Variants in LSG1 observed in about 807,000 individuals in gnomAD.
LSG1 encodes the protein large 60S subunit nuclear export GTPase 1, also known as large subunit GTPase 1 homolog.
LSG1 carries 55 observed loss-of-function variants against 82.6 expected under a neutral mutation model. The ratio of observed to expected loss-of-function variants is 0.67; its 90% CI spans 0.54 to 0.83. The LOEUF is 0.83. LSG1 is among the 40% of genes least tolerant of loss of function. The probability of loss-of-function intolerance (pLI) is 0.00; values close to 1 mark genes in which losing one functional copy is unlikely to be tolerated. For synonymous variants in LSG1, 272 were observed against 282.5 expected, an observed-to-expected ratio of 0.96 and a Z score of 0.37; for missense variants, 809 against 807.9, an observed-to-expected ratio of 1.00 and a Z score of -0.02.
chr3:194,670,373 T>C (rs1719119938), intron 1 of LSG1, among the ~76,000 whole-genome samples: 1 of 152,218 alleles, frequency 6.6e-6, no homozygotes, highest in African/African-American at 2.4e-5. Flanking sequence ...TGTATTTCCA[T>C]TTTACTGATG....
At chr3:194,645,406 C>T (rs577650389) in intron 12 of LSG1, 21 of 152,208 alleles carry the variant, frequency 1.4e-4, no homozygotes, top group African/African-American at 5.1e-4. Flanking sequence ...TGGTTATTAA[C>T]AGGGCCCTGT....
chr3:194,645,141 T>G (rs1395136120), intron 12 of LSG1: 1 of 155,618 alleles, frequency 6.4e-6, no homozygotes, highest in Non-Finnish European at 1.4e-5. Flanking sequence ...GACTCCTGTA[T>G]GTGGGGTTGC....
At chr3:194,667,448 C>T (rs770308135) in intron 2 of LSG1, among the ~76,000 whole-genome samples, 2 of 152,140 alleles carry the variant, frequency 1.3e-5, no homozygotes, top group Non-Finnish European at 2.9e-5. Context: ...CTACCATTAA[C>T]CCTGATCCTT....
In LSG1 at chr3:194,666,187, A is replaced by C; in HGVS notation, c.434+16T>G. The stretch of plus-strand genomic sequence containing the variant: ...AGGATTTCAAAGTAAGTCTTCATAG[A>C]GTCTATAATACTCACCGGACAAGCT... On this transcript the variant is annotated intron_variant, in intron 4 of 13. Transcript: ENST00000265245. 1.2e-6 allele frequency: 2 copies of C among 1,600,720 alleles called. No homozygotes were observed. The highest frequency in any genetic ancestry group is 1.7e-6 in the Non-Finnish European group (2 of 1,168,856).
At chr3:194,670,907 C>A (rs1249035593) in intron 1 of LSG1, among the ~76,000 whole-genome samples, 4 of 145,324 alleles carry the variant, frequency 2.8e-5, no homozygotes, top group African/African-American at 9.8e-5. Flanking sequence ...CAGCAAGACC[C>A]TGTCTCTCCA....
rs956425636 is a variant in LSG1 at position 194,653,241 on chromosome 3, G to T, written c.760-99C>A. The T allele has an allele frequency of 2.4e-6, 3 of 1,272,020 alleles. No homozygotes were observed. The East Asian group carries it at 7.1e-5, about 30-fold the overall frequency. The allele number at this position is 1,272,020 out of a possible 1,614,324, so 78.8% of individuals were successfully genotyped here. ...TAAGATGGACAGAGGATGGCTGGGC[G>T]TGGTGGCTCAAGCCTGTAATCCCAG... On this transcript the variant is annotated intron_variant, in intron 7 of 13. Coordinates refer to ENST00000265245, the MANE Select transcript of LSG1 (RefSeq NM_018385.3).
intron 11 of LSG1, among the ~76,000 whole-genome samples, chr3:194,646,814 C>T (rs139540307): frequency 1.5e-3 from 236 of 152,362 alleles, no homozygotes; most frequent in African/African-American, 5.4e-3. Flanking sequence ...AGGCACTACA[C>T]CCAGCCTCCT....
intron 10 of LSG1, chr3:194,649,051 A>T: frequency 2.7e-6 from 1 of 364,686 alleles, no homozygotes; most frequent in Non-Finnish European, 4.9e-6. Context: ...TATATCTGAA[A>T]CAGACTTTAA....
chr3:194,645,934 A>C (rs975315460), intron 12 of LSG1, among the ~76,000 whole-genome samples: 1 of 152,244 alleles, frequency 6.6e-6, no homozygotes, highest in Admixed American at 6.5e-5. Context: ...GGAGACAAAA[A>C]AAGCCAGATG....
intron 12 of LSG1, chr3:194,644,964 A>C (rs79744755): frequency 2.6e-6 from 1 of 391,920 alleles, no homozygotes; most frequent in East Asian, 3.8e-5. Context: ...GCCCCAGACT[A>C]GGATGAAATC....
chr3:194,643,410 T>C (rs1193012954), intron 13 of LSG1, among the ~76,000 whole-genome samples: 1 of 152,100 alleles, frequency 6.6e-6, no homozygotes, highest in Non-Finnish European at 1.5e-5. Context: ...GACATTTCTC[T>C]AAAGAAAATA....
intron 6 of LSG1, 83 bp downstream of exon 6, chr3:194,659,990 T>G (rs562004412): frequency 7.5e-6 from 9 of 1,192,122 alleles, no homozygotes; most frequent in Non-Finnish European, 1.1e-5. Context: ...GCAGAATGTA[T>G]GCCTACAGTC....
chr3:194,657,860 C>T (rs1011964307), intron 7 of LSG1, among the ~76,000 whole-genome samples: 3 of 152,120 alleles, frequency 2.0e-5, no homozygotes, highest in Non-Finnish European at 2.9e-5. Context: ...TAAAAAGAAA[C>T]GAGTTACCTG....
At chr3:194,660,004 G>A in intron 6 of LSG1, 69 bp downstream of exon 6, 1 of 1,316,788 alleles carries the variant, frequency 7.6e-7, no homozygotes, top group Non-Finnish European at 1.1e-6. Context: ...TACAGTCATT[G>A]CTGAGGGATG....
At chr3:194,668,780 G>T (rs1719083285) in intron 2 of LSG1, among the ~76,000 whole-genome samples, 2 of 152,152 alleles carry the variant, frequency 1.3e-5, no homozygotes, top group Admixed American at 1.3e-4. Context: ...ATTCACAAGA[G>T]CCAAGATATG....
chr3:194,670,006 T>G lies in LSG1; in HGVS notation c.226+3A>C, dbSNP rs1719111762. On this transcript the variant is annotated splice_donor_region_variant and intron_variant, in intron 2 of 13. Transcript: ENST00000265245. ...CACCTGCACTCAGCAATAAACAACT[T>G]ACCAGCTACAAACTCTGTTCCTGCA... The G allele has an allele frequency of 6.2e-7, 1 of 1,613,474 alleles. No homozygotes were observed.
intron 2 of LSG1, among the ~76,000 whole-genome samples, chr3:194,667,518 A>G (rs1719054288): frequency 6.6e-6 from 1 of 152,108 alleles, no homozygotes; most frequent in South Asian, 2.1e-4. Context: ...AGGAGAATAC[A>G]ACTTGCTCAT....
intron 7 of LSG1, among the ~76,000 whole-genome samples, chr3:194,657,740 T>C (rs893773337): frequency 6.6e-6 from 1 of 152,122 alleles, no homozygotes; most frequent in Non-Finnish European, 1.5e-5. Context: ...ATATGAAAGC[T>C]GAAAATGCAC....
intron 7 of LSG1, among the ~76,000 whole-genome samples, chr3:194,656,181 C>T (rs534662818): frequency 6.6e-6 from 1 of 151,734 alleles, no homozygotes; most frequent in African/African-American, 2.4e-5. Context: ...AGCTTCTGCA[C>T]AGCAAAAGAA....
Sources: allele counts gnomAD v4.1 joint callset (sites outside exome capture counted in the v4.1 genomes callset), GRCh38; gene constraint gnomAD v4.1.1; transcripts MANE v1.5; gene names NCBI Gene and HGNC (gene_info 2026-07-23, HGNC 2026-07-21).